GPHN: variants seen among roughly 807,000 people sequenced by gnomAD.
The protein encoded by GPHN is gephyrin.
Under a neutral mutation model 95.5 loss-of-function variants are expected in GPHN, and 17 were observed. The observed-to-expected ratio is 0.18, with a 90% CI of 0.12 to 0.27. The LOEUF is 0.27. Ranked by LOEUF, GPHN falls within the 10% of genes least tolerant of loss-of-function variation. The pLI, the probability that GPHN is intolerant of heterozygous loss-of-function variation, is 1.00. For synonymous variants in GPHN, 320 were observed against 322.5 expected (o/e 0.99, Z 0.08); for missense variants, 660 against 978.1 (o/e 0.67, Z 4.34).
chr14:67,654,921 C>A, the GPHN span, among the ~76,000 whole-genome samples: 1 of 144,724 alleles, frequency 6.9e-6, no homozygotes, highest in Non-Finnish European at 1.5e-5. Flanking sequence ...CCCAGCTACT[C>A]GGGAGGCCGA....
the GPHN span, among the ~76,000 whole-genome samples, chr14:67,308,314 CTTTTTTTT>C: frequency 1.4e-5 from 2 of 139,486 alleles, no homozygotes; most frequent in Non-Finnish European, 3.1e-5. Flanking sequence ...ACCAAACTTC[CTTTTTTTT>C]TTTTTTCTTT....
intron 5 of GPHN, among the ~76,000 whole-genome samples, chr14:66,897,837 T>C (rs1449914219): frequency 1.3e-5 from 2 of 152,140 alleles, no homozygotes; most frequent in Admixed American, 1.3e-4. Context: ...TCTGTTTAAA[T>C]GAACTGTCAA....
At chr14:67,329,946 A>G in the GPHN span, among the ~76,000 whole-genome samples, 1 of 149,890 alleles carries the variant, frequency 6.7e-6, no homozygotes, top group Non-Finnish European at 1.5e-5. Context: ...CCAGTTATGT[A>G]ATTGTACTCT....
At chr14:67,160,256 C>A (rs1462472123) in intron 19 of GPHN, among the ~76,000 whole-genome samples, 1 of 152,030 alleles carries the variant, frequency 6.6e-6, no homozygotes, top group African/African-American at 2.4e-5. Context: ...CTGATTACTT[C>A]CTTAGGTTAT....
At chr14:66,954,283 A>G (rs968798806) in intron 8 of GPHN, among the ~76,000 whole-genome samples, 1 of 152,056 alleles carries the variant, frequency 6.6e-6, no homozygotes, top group African/African-American at 2.4e-5. Context: ...ATGTCTTTCT[A>G]TTTATTTGCC....
chr14:66,780,318 T>C (rs28668670), intron 3 of GPHN, among the ~76,000 whole-genome samples: 38,297 of 152,002 alleles, frequency 0.25, 9,730 homozygotes, highest in African/African-American at 0.62. Context: ...TTTGTCCTCA[T>C]ACAAAAGAGT....
At chr14:67,301,693 C>A in the GPHN span, among the ~76,000 whole-genome samples, 3 of 152,060 alleles carry the variant, frequency 2.0e-5, no homozygotes, top group Non-Finnish European at 4.4e-5. Context: ...GGCAAAAATT[C>A]TTCCCCCCTT....
At chr14:66,842,788 A>T in intron 4 of GPHN, 1 of 1,063,544 alleles carries the variant, frequency 9.4e-7, no homozygotes, top group Non-Finnish European at 1.4e-6. Flanking sequence ...TTCTTTTATC[A>T]TCATAAAAAA....
chr14:66,961,900 G>GTGTATATATATATATATA (rs1177915817), intron 8 of GPHN, among the ~76,000 whole-genome samples: 1 of 52,958 alleles, frequency 1.9e-5, no homozygotes, highest in African/African-American at 5.4e-5. Context: ...CCCTGAATGT[G>GTGTATATATATATATATA]TATATATATA....
chr14:66,934,801 A>G (rs865892472), intron 8 of GPHN, among the ~76,000 whole-genome samples: 1 of 152,224 alleles, frequency 6.6e-6, no homozygotes, highest in Non-Finnish European at 1.5e-5. Context: ...CTTGAACTAT[A>G]CAGACTGCTT....
intron 2 of GPHN, among the ~76,000 whole-genome samples, chr14:66,709,064 A>G (rs1038086279): frequency 6.6e-6 from 1 of 152,162 alleles, no homozygotes; most frequent in Non-Finnish European, 1.5e-5. Context: ...CAGTATTATA[A>G]TGTGTCAGGA....
chr14:67,549,723 C>T, the GPHN span, among the ~76,000 whole-genome samples: 1 of 152,196 alleles, frequency 6.6e-6, no homozygotes, highest in African/African-American at 2.4e-5. Context: ...GGCTGCATCC[C>T]TGAAGGAGTC....
chr14:67,701,024 C>CAAAAA, the GPHN span, among the ~76,000 whole-genome samples: 6 of 67,408 alleles, frequency 8.9e-5, no homozygotes, highest in African/African-American at 1.6e-4. Flanking sequence ...AATTTCATCT[C>CAAAAA]AAAAAAAAAA....
the GPHN span, among the ~76,000 whole-genome samples, chr14:67,415,680 A>G: frequency 1.3e-5 from 2 of 152,228 alleles, no homozygotes; most frequent in Non-Finnish European, 1.5e-5. Context: ...ATGCATGTGT[A>G]TGTTCATTGC....
chr14:67,528,295 G>T, the GPHN span, among the ~76,000 whole-genome samples: 1 of 152,208 alleles, frequency 6.6e-6, no homozygotes, highest in Non-Finnish European at 1.5e-5. Context: ...AAAACCCATT[G>T]TCTACAGCGG....
intron 2 of GPHN, among the ~76,000 whole-genome samples, chr14:66,716,149 T>C (rs2070163219): frequency 6.6e-6 from 1 of 152,176 alleles, no homozygotes; most frequent in Non-Finnish European, 1.5e-5. Context: ...ATTTCTTAGG[T>C]CTATTAGTAA....
chr14:67,662,665 G>T, the GPHN span: 3 of 824,444 alleles, frequency 3.6e-6, no homozygotes, highest in South Asian at 5.6e-5. Context: ...CAGCACTTTG[G>T]GAGGCCAAGG....
At chr14:67,155,150 A>T (rs2153713648) in intron 18 of GPHN, among the ~76,000 whole-genome samples, 2 of 152,304 alleles carry the variant, frequency 1.3e-5, no homozygotes, top group South Asian at 4.1e-4. Flanking sequence ...GGGCCCTGGT[A>T]AATATCTCAG....
chr14:67,137,151 G>A (rs980974860), intron 17 of GPHN, among the ~76,000 whole-genome samples: 2 of 149,874 alleles, frequency 1.3e-5, no homozygotes, highest in Non-Finnish European at 3.0e-5. Context: ...GCAAGAATCT[G>A]TCTTTTTTTT....
Sources: allele counts gnomAD v4.1 joint callset (sites outside exome capture counted in the v4.1 genomes callset), GRCh38; gene constraint gnomAD v4.1.1; transcripts MANE v1.5; gene names NCBI Gene and HGNC (gene_info 2026-07-23, HGNC 2026-07-21).